Variants in ZBTB46 observed in about 807,000 individuals in gnomAD.
The protein encoded by ZBTB46 is zinc finger and BTB domain containing 46.
ZBTB46 carries 8 observed loss-of-function variants against 44.1 expected under a neutral mutation model. The ratio of observed to expected loss-of-function variants is 0.18; its 90% CI spans 0.11 to 0.33. The LOEUF (loss-of-function observed/expected upper bound fraction) is 0.33. Among genes scored for constraint, ZBTB46 ranks in the 10% least tolerant of loss-of-function variants. ZBTB46 has a pLI of 1.00. For synonymous variants in ZBTB46, 409 were observed against 382.3 expected (o/e 1.07, Z -0.81); for missense variants, 651 against 847.7 (o/e 0.77, Z 2.88).
intron 3 of ZBTB46, among the ~76,000 whole-genome samples, chr20:63,771,674 A>G (rs952776268): frequency 9.9e-5 from 15 of 152,082 alleles, no homozygotes; most frequent in African/African-American, 3.4e-4. Context: ...CCCTGGACGC[A>G]GGCGCTGGTG....
intron 3 of ZBTB46, among the ~76,000 whole-genome samples, chr20:63,761,972 C>T (rs1016087451): frequency 6.6e-6 from 1 of 152,084 alleles, no homozygotes; most frequent in Non-Finnish European, 1.5e-5. Context: ...ATTTGTTGAA[C>T]CTGAATTATG....
At chr20:63,833,275 G>C (rs563806824), upstream of ZBTB46, among the ~76,000 whole-genome samples, 3 of 152,234 alleles carry the variant, frequency 2.0e-5, no homozygotes, top group African/African-American at 7.2e-5. Context: ...CACCTGCCAG[G>C]TTAGGGCTGC....
chr20:63,759,774 CTTTT>C (rs34922936), intron 3 of ZBTB46, among the ~76,000 whole-genome samples: 7 of 149,906 alleles, frequency 4.7e-5, no homozygotes, highest in African/African-American at 1.7e-4. Flanking sequence ...AAAAGGTTAA[CTTTT>C]TTTTTTGTAG....
At chr20:63,822,581 G>A (rs1273751272) in intron 1 of ZBTB46, among the ~76,000 whole-genome samples, 1 of 152,140 alleles carries the variant, frequency 6.6e-6, no homozygotes, top group Non-Finnish European at 1.5e-5. Flanking sequence ...TTAAAGACAT[G>A]TCCACAGGAA....
intron 1 of ZBTB46, among the ~76,000 whole-genome samples, chr20:63,816,974 C>T (rs2146064933): frequency 6.6e-6 from 1 of 152,260 alleles, no homozygotes; most frequent in East Asian, 1.9e-4. Context: ...CATGGTGGCG[C>T]ATGCCTGTAA....
At chr20:63,780,980 A>T (rs1257053427) in intron 2 of ZBTB46, among the ~76,000 whole-genome samples, 15 of 148,792 alleles carry the variant, frequency 1.0e-4, no homozygotes, top group African/African-American at 3.7e-4. Context: ...AAAAAAAAAA[A>T]AAATACAAAA....
intron 2 of ZBTB46, among the ~76,000 whole-genome samples, chr20:63,777,777 A>G (rs1443613413): frequency 6.6e-6 from 1 of 152,202 alleles, no homozygotes; most frequent in Non-Finnish European, 1.5e-5. Flanking sequence ...TAAACATAAC[A>G]GGTCCATCCC....
chr20:63,826,077 G>A (rs966235739), intron 1 of ZBTB46, among the ~76,000 whole-genome samples: 9 of 152,254 alleles, frequency 5.9e-5, no homozygotes, highest in African/African-American at 1.4e-4. Context: ...GAGGAGCACC[G>A]ACGCAGGCCT....
chr20:63,769,234 C>T, intron 3 of ZBTB46: 1 of 985,394 alleles, frequency 1.0e-6, no homozygotes, highest in Non-Finnish European at 1.2e-6. Flanking sequence ...CAAAGCTGGC[C>T]ACCCTGGTGT....
chr20:63,750,810 G>A (rs894543977), intron 4 of ZBTB46, among the ~76,000 whole-genome samples: 1 of 152,030 alleles, frequency 6.6e-6, no homozygotes, highest in African/African-American at 2.4e-5. Context: ...GGCTGAGGTG[G>A]GAGGATCGCT....
chr20:63,753,600 G>A lies in ZBTB46; in HGVS notation c.1223-739C>T, dbSNP rs1267471990. 3.3e-5 allele frequency among the ~76,000 whole-genome samples: 5 copies of A among 152,190 alleles called. No individual in the cohort carries two copies. In the East Asian group the frequency reaches 7.7e-4, roughly 23 times the overall value. ...TGGGCATGGGCCACTGAGAGAGCCC[G>A]GAGCAGCCACGTCCACGGGACCCTA... On this transcript the variant is annotated intron_variant, in intron 3 of 4. Coordinates refer to ENST00000245663, the MANE Select transcript of ZBTB46 (RefSeq NM_001369741.1).
rs1041339259 is a variant in ZBTB46, at chr20:63,767,112, A to T, written c.1222+8566T>A. 6.6e-6 allele frequency among the ~76,000 whole-genome samples: 1 copy of T among 152,182 alleles called. No individual in the cohort carries two copies. The highest frequency in any genetic ancestry group is 1.5e-5 in the Non-Finnish European group (1 of 68,014). On this transcript the variant is annotated intron_variant, in intron 3 of 4. Coordinates refer to ENST00000245663, the MANE Select transcript of ZBTB46 (RefSeq NM_001369741.1). The surrounding 1 kb of genome is among the most constrained non-coding windows in gnomAD (Gnocchi z 5.0). ...GGGCGCTCTTTCTGAAAAGCAGCAC[A>T]TTCCCGTAATTCCACGCCGACACGT...
Position 63,767,829 on chromosome 20 carries a change from C to A in ZBTB46, c.1222+7849G>T. On this transcript the variant is annotated intron_variant, in intron 3 of 4. Coordinates refer to ENST00000245663, the MANE Select transcript of ZBTB46 (RefSeq NM_001369741.1). This position sits in a 1 kb window ranked among gnomAD's most constrained non-coding sequence, Gnocchi z 5.0. ...CAGGGCTGGGCAAGTCCATCCAGGG[C>A]TGGGCAAGTCCATCCAGGCCTGGGC... 2 of 972,228 alleles carry A rather than the reference C, an allele frequency of 2.1e-6. No homozygotes were observed. Among genetic ancestry groups the A allele is most frequent in the South Asian group, 9.5e-5 (2 of 21,026 alleles). The allele number at this position is 972,228 out of a possible 1,614,324, so 60.2% of individuals were successfully genotyped here. A position where few individuals can be genotyped will look rare whatever the true frequency, so the allele number is the denominator to read the frequency against.
chr20:63,822,308 T>C (rs1343523116), intron 1 of ZBTB46, among the ~76,000 whole-genome samples: 1 of 152,162 alleles, frequency 6.6e-6, no homozygotes, highest in Non-Finnish European at 1.5e-5. Context: ...GCGCCCTGAA[T>C]TCACCCACCA....
intron 3 of ZBTB46, among the ~76,000 whole-genome samples, chr20:63,764,450 T>C (rs1302856338): frequency 6.6e-6 from 1 of 151,210 alleles, no homozygotes; most frequent in Admixed American, 6.6e-5. Context: ...AAAAAAAAAA[T>C]TGTGATGAAT....
intron 1 of ZBTB46, among the ~76,000 whole-genome samples, chr20:63,805,598 G>A (rs1290159022): frequency 6.6e-6 from 1 of 152,202 alleles, no homozygotes; most frequent in Non-Finnish European, 1.5e-5. Context: ...ACCCTGCCTG[G>A]AGTCTCCAGA....
chr20:63,800,230 G>A (rs2092633064), intron 1 of ZBTB46, among the ~76,000 whole-genome samples: 1 of 152,228 alleles, frequency 6.6e-6, no homozygotes, highest in Non-Finnish European at 1.5e-5. Context: ...GTTACGCTGA[G>A]TAAGAGAAGA....
At chr20:63,765,783 G>C (rs970631170) in intron 3 of ZBTB46, among the ~76,000 whole-genome samples, 7 of 152,140 alleles carry the variant, frequency 4.6e-5, no homozygotes, top group Non-Finnish European at 8.8e-5. Context: ...TTAGAAGTAG[G>C]GATAAAGTCA....
At chr20:63,772,599 G>C (rs752327180) in intron 3 of ZBTB46, among the ~76,000 whole-genome samples, 2 of 152,010 alleles carry the variant, frequency 1.3e-5, no homozygotes, top group Non-Finnish European at 2.9e-5. Flanking sequence ...CCCATCTGTA[G>C]TCCCAGCTAC....
Sources: gnomAD v4.1 joint callset for allele counts (sites outside exome capture counted in the v4.1 genomes callset) on GRCh38, gnomAD v4.1.1 for gene constraint, Gnocchi (gnomAD v3.1) non-coding constraint, MANE v1.5 for transcripts, NCBI Gene and HGNC (gene_info 2026-07-23, HGNC 2026-07-21) for gene names.